UNC13C: variants seen among roughly 807,000 people sequenced by gnomAD.
UNC13C encodes the protein protein unc-13 homolog C.
UNC13C carries 174 observed loss-of-function variants against 245.4 expected under a neutral mutation model. That is an observed-to-expected ratio of 0.71 (90% confidence interval 0.63 to 0.80). The LOEUF (loss-of-function observed/expected upper bound fraction) is 0.80, where lower values mean the gene tolerates loss of function less well. Ranked by LOEUF, UNC13C falls within the 30% of genes least tolerant of loss-of-function variation. UNC13C has a pLI of 0.00. For missense variants in UNC13C, 2,829 were observed against 2,602.9 expected (o/e 1.09, Z -1.89); for synonymous variants, 992 against 895.1 (o/e 1.11, Z -1.93).
At chr15:54,628,644 G>A (rs1009051132), downstream of UNC13C, 5 of 152,618 alleles carry the variant, frequency 3.3e-5, no homozygotes, top group East Asian at 7.7e-4. Context: ...TTTCATTTAT[G>A]CAATATCATC....
intron 31 of UNC13C, among the ~76,000 whole-genome samples, chr15:54,623,400 GTAAC>G (rs1257605186): frequency 6.6e-6 from 1 of 152,052 alleles, no homozygotes; most frequent in Non-Finnish European, 1.5e-5. Flanking sequence ...TGTATATAAA[GTAAC>G]TAAATATTGA....
In UNC13C at chr15:54,505,555, T is replaced by C. The variant is rs530650029; in HGVS notation, c.5302-1562T>C. Among the ~76,000 whole-genome samples, 163 of 152,298 alleles carry C rather than the reference T, an allele frequency of 1.1e-3. 1 individual carries two copies. The highest frequency in any genetic ancestry group is 3.9e-3 in the African/African-American group (161 of 41,574). On this transcript the variant is annotated intron_variant, in intron 22 of 32. Transcript: ENST00000260323. ...AGTTAAGCATGTCATAAGCAACAGC[T>C]TATTAGTATTAAAGAGCTATTGTGT...
the UNC13C span, among the ~76,000 whole-genome samples, chr15:53,889,332 C>T: frequency 6.6e-6 from 1 of 152,140 alleles, no homozygotes; most frequent in Non-Finnish European, 1.5e-5. Context: ...TGGGAGTTCA[C>T]TCATGATTTG....
chr15:54,296,006 A>G (rs1228793765), intron 11 of UNC13C, among the ~76,000 whole-genome samples: 1 of 152,062 alleles, frequency 6.6e-6, no homozygotes. Flanking sequence ...AATTCATTCC[A>G]CTACACAAAG....
chr15:53,907,759 A>T, the UNC13C span, among the ~76,000 whole-genome samples: 2 of 114,554 alleles, frequency 1.7e-5, 1 homozygote, highest in Non-Finnish European at 4.3e-5. Flanking sequence ...GCAGAGAGCA[A>T]GGTCTCTATC....
chr15:53,935,888 G>T, the UNC13C span, among the ~76,000 whole-genome samples: 4 of 152,164 alleles, frequency 2.6e-5, no homozygotes, highest in Non-Finnish European at 5.9e-5. Context: ...AAGTCTTGGT[G>T]GGGTGCAGGG....
intron 10 of UNC13C, among the ~76,000 whole-genome samples, chr15:54,266,997 G>T (rs1227162859): frequency 2.0e-5 from 3 of 151,926 alleles, no homozygotes; most frequent in African/African-American, 7.2e-5. Flanking sequence ...TATTTCTATT[G>T]CTTGTTAGCA....
chr15:54,401,486 C>T (rs2040182856), intron 18 of UNC13C, among the ~76,000 whole-genome samples: 1 of 152,052 alleles, frequency 6.6e-6, no homozygotes, highest in Non-Finnish European at 1.5e-5. Context: ...GGAACTGTAC[C>T]AAGAAATACT....
At chr15:54,488,262 G>A (rs1893527353) in intron 19 of UNC13C, among the ~76,000 whole-genome samples, 2 of 152,148 alleles carry the variant, frequency 1.3e-5, no homozygotes, top group Non-Finnish European at 2.9e-5. Context: ...ATAAAATTTT[G>A]TGTTTGTGAG....
intron 4 of UNC13C, among the ~76,000 whole-genome samples, chr15:54,219,159 G>A (rs1372496003): frequency 6.6e-6 from 1 of 152,038 alleles, no homozygotes; most frequent in Admixed American, 6.6e-5. Flanking sequence ...TAAGCCAAAA[G>A]AACAAAGCTG....
At chr15:54,121,243 C>G (rs72744203) in intron 2 of UNC13C, among the ~76,000 whole-genome samples, 4 of 152,246 alleles carry the variant, frequency 2.6e-5, no homozygotes, top group East Asian at 1.9e-4. Flanking sequence ...ACAACCACCA[C>G]CCTGATTAGT....
Position 54,500,874 on chromosome 15 carries a change from G to T in UNC13C, c.5197G>T (p.Val1733Leu), listed in dbSNP as rs746020902. 2 of 1,612,934 alleles carry T rather than the reference G, an allele frequency of 1.2e-6. No homozygotes were observed. The highest frequency in any genetic ancestry group is 1.3e-5 in the African/African-American group (1 of 74,956). ...TGAGCATGCTCTCTTTTCTTGCTCC[G>T]TGGTTGATGTCTTTGCTCAGCTGAA... Reference protein sequence around the residue: ...TSEHALFSCSVVDVFAQLNQS... With the variant: ...TSEHALFSCSLVDVFAQLNQS... Residue 1733 changes from valine to leucine, a missense_variant, in exon 22 of 33, where the codon GTG becomes TTG. By Grantham distance (32) the Val-to-Leu change is conservative. Coordinates refer to ENST00000260323, the MANE Select transcript of UNC13C (RefSeq NM_001080534.3).
At chr15:54,004,296 A>G (rs1214486328) in intron 1 of UNC13C, among the ~76,000 whole-genome samples, 2 of 152,184 alleles carry the variant, frequency 1.3e-5, no homozygotes, top group Non-Finnish European at 2.9e-5. Context: ...ATTTCACTTA[A>G]CATAACTCCA....
chr15:53,848,100 C>G, the UNC13C span, among the ~76,000 whole-genome samples: 2 of 117,692 alleles, frequency 1.7e-5, no homozygotes, highest in African/African-American at 5.7e-5. Context: ...TGTATTCTCT[C>G]TCTCTCTTAT....
At chr15:54,053,687 T>A (rs1366804480) in intron 2 of UNC13C, among the ~76,000 whole-genome samples, 1 of 152,196 alleles carries the variant, frequency 6.6e-6, no homozygotes, top group Non-Finnish European at 1.5e-5. Context: ...AATAAGTTAG[T>A]GTTGACTGTA....
intron 4 of UNC13C, among the ~76,000 whole-genome samples, chr15:54,172,168 A>C (rs1041135953): frequency 5.3e-5 from 8 of 152,058 alleles, no homozygotes; most frequent in Non-Finnish European, 7.4e-5. Context: ...GTTAGATAGA[A>C]GGAATAAGAT....
intron 1 of UNC13C, among the ~76,000 whole-genome samples, chr15:54,004,162 G>A (rs891239059): frequency 1.3e-5 from 2 of 151,914 alleles, no homozygotes; most frequent in African/African-American, 2.4e-5. Context: ...CTACCTCCCC[G>A]TTACCCTTCC....
In UNC13C at chr15:54,015,384, T is replaced by A; in HGVS notation, c.2481T>A (p.Ser827=). The A allele has an allele frequency of 6.2e-7, 1 of 1,613,796 alleles. No homozygotes were observed. ...QSLSGYEDSG[S]SLMGRFRTLS... is the part of the protein sequence containing the mutation. The stretch of plus-strand genomic sequence containing the variant: ...TGAGTGGGTATGAGGACAGTGGCTC[T>A]TCATTAATGGGGAGATTTCGGACAT... Residue 827 remains serine (S), a synonymous_variant, in exon 2 of 33, where the codon TCT becomes TCA. Transcript: ENST00000260323.
intron 2 of UNC13C, chr15:54,044,465 A>C (rs76849034): frequency 9.9e-6 from 3 of 302,270 alleles, no homozygotes; most frequent in Non-Finnish European, 2.0e-5. Flanking sequence ...TACTTGGTTC[A>C]GTGGAACTCT....
Sources: allele counts gnomAD v4.1 joint callset (sites outside exome capture counted in the v4.1 genomes callset), GRCh38; gene constraint gnomAD v4.1.1; transcripts MANE v1.5; gene names NCBI Gene and HGNC (gene_info 2026-07-23, HGNC 2026-07-21).